SLC9A9: variants seen among roughly 807,000 people sequenced by gnomAD.
SLC9A9 encodes solute carrier family 9 member A9.
Under a neutral mutation model 77.8 loss-of-function variants are expected in SLC9A9, and 62 were observed. That is an observed-to-expected ratio of 0.80 (90% CI 0.65 to 0.98). The LOEUF is 0.98. Among genes scored for constraint, SLC9A9 ranks in the 50% least tolerant of loss-of-function variants. The pLI, the probability that SLC9A9 is intolerant of heterozygous loss-of-function variation, is 0.00. For synonymous variants in SLC9A9, 320 were observed against 283.5 expected (o/e 1.13, Z -1.29); for missense variants, 775 against 774.9 (o/e 1.00, Z 0.00).
chr3:143,546,227 A>G (rs966715263), intron 9 of SLC9A9, among the ~76,000 whole-genome samples: 1 of 152,168 alleles, frequency 6.6e-6, no homozygotes, highest in Non-Finnish European at 1.5e-5. Context: ...GTCTTCTTTT[A>G]TTGGAAATTT....
chr3:143,639,140 A>G (rs1207803108), intron 6 of SLC9A9, among the ~76,000 whole-genome samples: 5 of 152,202 alleles, frequency 3.3e-5, no homozygotes, highest in Non-Finnish European at 7.3e-5. Flanking sequence ...AAAACTATTT[A>G]TAGAGTTTTG....
chr3:143,386,239 C>T (rs943382044), intron 12 of SLC9A9, among the ~76,000 whole-genome samples: 5 of 152,314 alleles, frequency 3.3e-5, no homozygotes, highest in South Asian at 4.1e-4. Flanking sequence ...CTGTCTTTGG[C>T]GACCCTGGCT....
At chr3:143,684,199 C>A (rs536600566) in intron 5 of SLC9A9, among the ~76,000 whole-genome samples, 50 of 151,928 alleles carry the variant, frequency 3.3e-4, no homozygotes, top group African/African-American at 1.2e-3. Flanking sequence ...ATGTACTGTG[C>A]AGAACTCAAT....
chr3:143,758,092 T>C (rs1301960899), intron 4 of SLC9A9, among the ~76,000 whole-genome samples: 1 of 152,186 alleles, frequency 6.6e-6, no homozygotes, highest in East Asian at 1.9e-4. Flanking sequence ...ATCTTTGGCC[T>C]CTAAATAAAG....
intron 2 of SLC9A9, among the ~76,000 whole-genome samples, chr3:143,806,429 T>C (rs2008715019): frequency 6.6e-6 from 1 of 152,132 alleles, no homozygotes; most frequent in Non-Finnish European, 1.5e-5. Context: ...TGGGATCGTA[T>C]CAAGGATCAC....
chr3:143,498,018 G>A (rs926511315), intron 9 of SLC9A9, among the ~76,000 whole-genome samples: 1 of 152,088 alleles, frequency 6.6e-6, no homozygotes, highest in Non-Finnish European at 1.5e-5. Flanking sequence ...ATTTTACATG[G>A]AGGCCCATAA....
chr3:143,814,350 T>C (rs1368142990), intron 2 of SLC9A9, among the ~76,000 whole-genome samples: 2 of 151,992 alleles, frequency 1.3e-5, no homozygotes, highest in Admixed American at 6.6e-5. Flanking sequence ...TTGATGAGCA[T>C]AGATGGGGTA....
chr3:143,351,373 G>A (rs1430513348), intron 14 of SLC9A9, among the ~76,000 whole-genome samples: 1 of 152,174 alleles, frequency 6.6e-6, no homozygotes, highest in Admixed American at 6.5e-5. Flanking sequence ...TCAAAGGTTT[G>A]CAAAAGACTG....
chr3:143,546,320 A>G (rs1200076331), intron 9 of SLC9A9, among the ~76,000 whole-genome samples: 1 of 152,266 alleles, frequency 6.6e-6, no homozygotes, highest in Non-Finnish European at 1.5e-5. Context: ...AAATAAAATA[A>G]GCATCTGGAA....
At chr3:143,469,005 C>T (rs1227380914) in intron 11 of SLC9A9, among the ~76,000 whole-genome samples, 1 of 152,032 alleles carries the variant, frequency 6.6e-6, no homozygotes, top group Non-Finnish European at 1.5e-5. Context: ...ACTAAAAATA[C>T]AAAAATTAGC....
In SLC9A9 at chr3:143,398,357, G is replaced by T. The variant is rs757027908; in HGVS notation, c.1470-16243C>A. Among the ~76,000 whole-genome samples the T allele has an allele frequency of 6.7e-4, 102 of 152,286 alleles. 1 individual carries two copies. Among genetic ancestry groups the T allele is most frequent in the Admixed American group, 3.7e-3 (57 of 15,282 alleles). On this transcript the variant is annotated intron_variant, in intron 12 of 15. Coordinates refer to ENST00000316549, the MANE Select transcript of SLC9A9 (RefSeq NM_173653.4). Reference sequence around the variant, plus strand: ...TCAGACTTATTCCTGAGAGCAGAAAGAGATGGGAACAAAAGCCTAAGGCCA... The same window carrying T: ...TCAGACTTATTCCTGAGAGCAGAAATAGATGGGAACAAAAGCCTAAGGCCA...
At chr3:143,818,076 G>A (rs1007686503) in intron 2 of SLC9A9, among the ~76,000 whole-genome samples, 4 of 152,128 alleles carry the variant, frequency 2.6e-5, no homozygotes, top group African/African-American at 4.8e-5. Flanking sequence ...AAAATTTATA[G>A]TGGTTGCATA....
chr3:143,452,503 TAA>T (rs58038873), intron 12 of SLC9A9, among the ~76,000 whole-genome samples: 3,412 of 108,858 alleles, frequency 0.031, 124 homozygotes, highest in African/African-American at 0.097. Flanking sequence ...TTAAAAAGAC[TAA>T]AAAAAAAAAA....
chr3:143,847,992 A>G lies in SLC9A9; in HGVS notation c.175+156T>C, dbSNP rs1462585561. On this transcript the variant is annotated intron_variant, in intron 1 of 15. Transcript: ENST00000316549. ...AAATTTCGGCGGCTTGTCTGTAAAG[A>G]GATTAGCATTCGTTACGCTGCAGCA... 2.1e-5 allele frequency: 17 copies of G among 793,552 alleles called. 1 individual carries two copies. The Admixed American group carries it at 3.6e-4, about 17-fold the overall frequency. The allele number at this position is 793,552 out of a possible 1,614,324, so 49.2% of individuals were successfully genotyped here.
chr3:143,437,466 G>T (rs535078791), intron 12 of SLC9A9, among the ~76,000 whole-genome samples: 35 of 152,338 alleles, frequency 2.3e-4, no homozygotes, highest in African/African-American at 7.9e-4. Flanking sequence ...TCATACCCAG[G>T]TCCCTCAGAC....
intron 12 of SLC9A9, among the ~76,000 whole-genome samples, chr3:143,405,935 C>T (rs915099192): frequency 2.6e-5 from 4 of 152,140 alleles, no homozygotes; most frequent in East Asian, 3.8e-4. Context: ...AGACTTTAAA[C>T]GTTTTATTTT....
At chr3:143,584,665 A>G (rs772304552) in intron 6 of SLC9A9, among the ~76,000 whole-genome samples, 4 of 152,238 alleles carry the variant, frequency 2.6e-5, no homozygotes, top group Non-Finnish European at 5.9e-5. Flanking sequence ...GTTGGAACAT[A>G]CATAAATATG....
Position 143,462,816 on chromosome 3 carries a change from T to C in SLC9A9, c.1469+4221A>G, listed in dbSNP as rs189160979. On this transcript the variant is annotated intron_variant, in intron 12 of 15. Coordinates refer to ENST00000316549, the MANE Select transcript of SLC9A9 (RefSeq NM_173653.4). ...GTTAATCAGGGTAGATTGCAGGCAT[T>C]GAGAATAAGCTCATTTATTCAGGGT... Among the ~76,000 whole-genome samples, 17 of 152,306 alleles carry C rather than the reference T, an allele frequency of 1.1e-4. 1 individual carries two copies. The highest frequency in any genetic ancestry group is 8.5e-4 in the Admixed American group (13 of 15,298).
chr3:143,400,035 G>A (rs1424421840), intron 12 of SLC9A9, among the ~76,000 whole-genome samples: 2 of 152,126 alleles, frequency 1.3e-5, no homozygotes, highest in East Asian at 3.8e-4. Context: ...ATTACTTTAT[G>A]TACATCTAAG....
Sources: gnomAD v4.1 joint callset for allele counts (sites outside exome capture counted in the v4.1 genomes callset) on GRCh38, gnomAD v4.1.1 for gene constraint, MANE v1.5 for transcripts, NCBI Gene and HGNC (gene_info 2026-07-23, HGNC 2026-07-21) for gene names.